DDRGK1: variants seen among roughly 807,000 people sequenced by gnomAD.
DDRGK1 encodes DDRGK domain-containing protein 1.
Under a neutral mutation model 45.8 loss-of-function variants are expected in DDRGK1, and 38 were observed. The ratio of observed to expected loss-of-function variants is 0.83; its 90% CI spans 0.64 to 1.09. The LOEUF (loss-of-function observed/expected upper bound fraction) is 1.09, where lower values mean the gene tolerates loss of function less well. DDRGK1 is among the 50% of genes least tolerant of loss of function. The pLI is 0.00. For missense variants in DDRGK1, 403 were observed against 419.9 expected (o/e 0.96, Z 0.35); for synonymous variants, 171 against 168.7 (o/e 1.01, Z -0.11).
chr20:3,193,764 G>A (rs2066998761), intron 6 of DDRGK1, among the ~76,000 whole-genome samples: 1 of 152,180 alleles, frequency 6.6e-6, no homozygotes, highest in Non-Finnish European at 1.5e-5. Context: ...GCTAGAACTG[G>A]GGACCTTTCT....
At chr20:3,201,823 G>A (rs6084299) in intron 2 of DDRGK1, among the ~76,000 whole-genome samples, 79,943 of 150,490 alleles carry the variant, frequency 0.53, 21,542 homozygotes, top group South Asian at 0.62. Context: ...ATGCCCCCCT[G>A]ATTTTTTTAT....
At chr20:3,204,290 C>T (rs2067055492) in intron 1 of DDRGK1, among the ~76,000 whole-genome samples, 1 of 152,132 alleles carries the variant, frequency 6.6e-6, no homozygotes, top group African/African-American at 2.4e-5. Context: ...GTATGGAGTT[C>T]CCGGGGGTGA....
chr20:3,196,949 A>G (rs879322682), intron 4 of DDRGK1, among the ~76,000 whole-genome samples: 1 of 151,780 alleles, frequency 6.6e-6, no homozygotes, highest in Non-Finnish European at 1.5e-5. Flanking sequence ...CTGGTCGGGC[A>G]CGGTGGCTCA....
At chr20:3,194,697 T>A (rs1427841500) in intron 6 of DDRGK1, 133 bp downstream of exon 6, 10 of 1,194,452 alleles carry the variant, frequency 8.4e-6, no homozygotes, top group Non-Finnish European at 1.2e-5. Flanking sequence ...ACCCTGCGGC[T>A]CTGCCCCTCT....
At position 3,190,621 on chromosome 20, in the gene DDRGK1, C is replaced by A; in HGVS notation, c.*32G>T. 1 of 1,610,964 alleles carries A rather than the reference C, an allele frequency of 6.2e-7. No individual in the cohort carries two copies. Among genetic ancestry groups the A allele is most frequent in the Non-Finnish European group, 8.5e-7 (1 of 1,178,850 alleles). Reference sequence around the variant, plus strand: ...AAGATGTATAGCCAGGTAGGCCACACCAACTCTGAGTCCAAGAGGGAAGGA... The same window carrying A: ...AAGATGTATAGCCAGGTAGGCCACAACAACTCTGAGTCCAAGAGGGAAGGA... On this transcript the variant is annotated 3_prime_UTR_variant, in exon 9 of 9. Transcript: ENST00000354488.
intron 1 of DDRGK1, 97 bp downstream of exon 1, chr20:3,204,440 G>T (rs2067056598): frequency 7.7e-7 from 1 of 1,296,822 alleles, no homozygotes; most frequent in Non-Finnish European, 1.1e-6. Context: ...CGCCCGCCCA[G>T]GTGCGCACGC....
intron 5 of DDRGK1, 41 bp downstream of exon 5, chr20:3,195,190 G>A: frequency 1.2e-6 from 2 of 1,613,668 alleles, no homozygotes; most frequent in South Asian, 2.2e-5. Context: ...AGGCTGCACT[G>A]ATGGGTGCAG....
At chr20:3,198,700 C>CAAA (rs151197280) in intron 4 of DDRGK1, among the ~76,000 whole-genome samples, 18 of 41,568 alleles carry the variant, frequency 4.3e-4, no homozygotes, top group African/African-American at 1.0e-3. Context: ...AACTCCGTTT[C>CAAA]AAAAAAAAAA....
chr20:3,191,628 G>T lies in DDRGK1; in HGVS notation c.729+137C>A, dbSNP rs750546623. On this transcript the variant is annotated intron_variant, in intron 7 of 8. Transcript: ENST00000354488. ...ATGCAGGATTCCCAGGGTGCCAGGA[G>T]ACTTCTGTGCACTACTCACTCTTGG... 14 of 1,011,868 alleles carry T rather than the reference G, an allele frequency of 1.4e-5. No individual in the cohort carries two copies. The East Asian group carries it at 3.4e-4, about 24-fold the overall frequency. 62.7% of individuals were successfully genotyped at this position (1,011,868 alleles called of 1,614,324 possible). A position where few individuals can be genotyped will look rare whatever the true frequency, so the allele number is the denominator to read the frequency against.
At chr20:3,192,617 C>T (rs749301717) in intron 6 of DDRGK1, among the ~76,000 whole-genome samples, 107 of 152,204 alleles carry the variant, frequency 7.0e-4, no homozygotes, top group Non-Finnish European at 1.2e-3. Flanking sequence ...AGCACAGCCA[C>T]GTTCTGTGCT....
intron 7 of DDRGK1, 56 bp downstream of exon 7, chr20:3,191,709 G>A (rs1340925413): frequency 2.6e-6 from 4 of 1,549,824 alleles, no homozygotes; most frequent in Non-Finnish European, 3.5e-6. Flanking sequence ...GGTCCTCTCT[G>A]CTAGCCACAG....
In DDRGK1 at chr20:3,190,413, C is replaced by G; in HGVS notation, c.*240G>C. On this transcript the variant is annotated 3_prime_UTR_variant, in exon 9 of 9. Coordinates refer to ENST00000354488, the MANE Select transcript of DDRGK1 (RefSeq NM_023935.3). ...CATAATAAGAACAGGACTTCACCAGCTTCCAAGGGACCCTCCCCACCTCTC... is the reference window on the plus strand; with the variant it reads ...CATAATAAGAACAGGACTTCACCAGGTTCCAAGGGACCCTCCCCACCTCTC... The G allele has an allele frequency of 1.9e-6, 1 of 533,472 alleles. No individual in the cohort carries two copies. Among genetic ancestry groups the G allele is most frequent in the Non-Finnish European group, 3.3e-6 (1 of 302,864 alleles). The allele number at this position is 533,472 out of a possible 1,614,324, so 33.0% of individuals were successfully genotyped here.
chr20:3,195,016 C>T, intron 5 of DDRGK1, 148 bp from the exon 6 acceptor site: 1 of 1,325,470 alleles, frequency 7.5e-7, no homozygotes, highest in Non-Finnish European at 1.0e-6. Flanking sequence ...TACCGCTTGC[C>T]TACACAAGCA....
intron 2 of DDRGK1, 142 bp downstream of exon 2, chr20:3,203,071 T>A: frequency 2.7e-6 from 2 of 736,160 alleles, no homozygotes; most frequent in South Asian, 4.8e-5. Context: ...AGGTCCCAAG[T>A]CCCCCCCTAC....
chr20:3,194,949 C>T, intron 5 of DDRGK1, 81 bp from the exon 6 acceptor site: 1 of 1,564,056 alleles, frequency 6.4e-7, no homozygotes, highest in Non-Finnish European at 8.7e-7. Flanking sequence ...GTACCACCTG[C>T]TCACTTGAGG....
chr20:3,191,154 G>C, intron 8 of DDRGK1, 36 bp downstream of exon 8: 1 of 1,613,444 alleles, frequency 6.2e-7, no homozygotes, highest in Middle Eastern at 1.7e-4. Flanking sequence ...CACTCTCCAA[G>C]GCCAGGACTG....
chr20:3,195,619 T>C (rs2067006987), intron 4 of DDRGK1, among the ~76,000 whole-genome samples: 1 of 152,080 alleles, frequency 6.6e-6, no homozygotes, highest in African/African-American at 2.4e-5. Flanking sequence ...AGCAAAAATC[T>C]GTTGAAAACC....
chr20:3,190,947 G>T, intron 8 of DDRGK1, 128 bp from the exon 9 acceptor site: 1 of 1,388,486 alleles, frequency 7.2e-7, no homozygotes, highest in Non-Finnish European at 9.7e-7. Context: ...GGACTTTCCT[G>T]GCTGCATCCA....
At position 3,203,259 on chromosome 20, in the gene DDRGK1, C is replaced by A; in HGVS notation, c.249G>T (p.Val83=). 1 of 1,605,934 alleles carries A rather than the reference C, an allele frequency of 6.2e-7. No individual in the cohort carries two copies. The highest frequency in any genetic ancestry group is 8.5e-7 in the Non-Finnish European group (1 of 1,175,276). Residue 83 remains valine (V), a synonymous_variant, in exon 2 of 9, where the codon GTG becomes GTT. Transcript: ENST00000354488. ...CGTTCTCATCTGCTTCTGCCCAGGC[C>A]ACCCGCTGGGCTCGACGCTGGGCCT... ...RLQAQRRAQR[V]AWAEADENEE...
Sources: allele counts gnomAD v4.1 joint callset (sites outside exome capture counted in the v4.1 genomes callset), GRCh38; gene constraint gnomAD v4.1.1; transcripts MANE v1.5; gene names NCBI Gene and HGNC (gene_info 2026-07-23, HGNC 2026-07-21).